The following SPOP variants were observed in gnomAD, a reference collection of about 807,000 sequenced individuals.
The protein encoded by SPOP is speckle-type POZ protein.
A neutral mutation model predicts 45.6 loss-of-function variants in SPOP; 11 were observed. The ratio of observed to expected loss-of-function variants is 0.24; its 90% CI spans 0.15 to 0.40. The LOEUF (loss-of-function observed/expected upper bound fraction) is 0.40. SPOP is among the 10% of genes least tolerant of loss of function. SPOP has a pLI of 1.00. For synonymous variants in SPOP, 166 were observed against 166.3 expected (o/e 1.00, Z 0.01); for missense variants, 152 against 465.6 (o/e 0.33, Z 6.20).
rs36210011 is a variant in SPOP, at chr17:49,666,448, G to GACACACAC, written c.-67+11477_-67+11484dup. 1.1e-4 allele frequency among the ~76,000 whole-genome samples: 15 copies of GACACACAC among 142,120 alleles called. 1 individual carries two copies. The highest frequency in any genetic ancestry group is 6.2e-4 in the East Asian group (3 of 4,832). 93.2% of individuals were successfully genotyped at this position (142,120 alleles called of 152,430 possible). ...AGGGGAGGATTCCTTCATGAAGACA[G>GACACACAC]ACACACACACACACACACACACACA... On this transcript the variant is annotated intron_variant, in intron 1 of 9. Coordinates refer to ENST00000504102, the MANE Select transcript of SPOP (RefSeq NM_001007228.2).
At chr17:49,608,438 T>A (rs2071896122) in intron 6 of SPOP, among the ~76,000 whole-genome samples, 1 of 152,182 alleles carries the variant, frequency 6.6e-6, no homozygotes, top group Non-Finnish European at 1.5e-5. Context: ...AAGCTATGCA[T>A]TCCTAACAGA....
At chr17:49,664,988 T>C (rs2073034419) in intron 1 of SPOP, among the ~76,000 whole-genome samples, 1 of 152,168 alleles carries the variant, frequency 6.6e-6, no homozygotes, top group Admixed American at 6.5e-5. Context: ...GCATGTGGCA[T>C]CAGAAACTCT....
intron 1 of SPOP, among the ~76,000 whole-genome samples, chr17:49,627,282 T>C (rs942444242): frequency 7.2e-5 from 11 of 152,230 alleles, no homozygotes; most frequent in Admixed American, 3.3e-4. Flanking sequence ...GATTCCATGA[T>C]AACATGAAGA....
chr17:49,667,328 G>T (rs1006184105), intron 1 of SPOP, among the ~76,000 whole-genome samples: 1 of 148,378 alleles, frequency 6.7e-6, no homozygotes, highest in Non-Finnish European at 1.5e-5. Context: ...GGTGGCTCAC[G>T]CCTATAATCT....
At chr17:49,626,492 C>G (rs905989359) in intron 1 of SPOP, among the ~76,000 whole-genome samples, 7 of 151,978 alleles carry the variant, frequency 4.6e-5, no homozygotes, top group Non-Finnish European at 1.0e-4. Context: ...GTCAGGAGTT[C>G]GAGATCAGCC....
intron 1 of SPOP, among the ~76,000 whole-genome samples, chr17:49,634,533 T>C (rs1383826275): frequency 6.6e-6 from 1 of 152,230 alleles, no homozygotes; most frequent in Non-Finnish European, 1.5e-5. Context: ...CCCTCAATGA[T>C]GACTATGAAG....
At chr17:49,604,577 T>C (rs2071800798) in intron 8 of SPOP, among the ~76,000 whole-genome samples, 2 of 152,210 alleles carry the variant, frequency 1.3e-5, no homozygotes, top group Admixed American at 6.5e-5. Context: ...CCAATGGGTA[T>C]TGCAGCATCA....
At chr17:49,601,274 C>T (rs868819914) in intron 9 of SPOP, 2 of 152,432 alleles carry the variant, frequency 1.3e-5, no homozygotes, top group Non-Finnish European at 2.9e-5. Context: ...GGGAGTAGAA[C>T]ATGTCCCACT....
At chr17:49,676,532 G>T (rs1567810139) in intron 1 of SPOP, among the ~76,000 whole-genome samples, 1 of 152,158 alleles carries the variant, frequency 6.6e-6, no homozygotes, top group Non-Finnish European at 1.5e-5. Context: ...GAACATCAAA[G>T]AATACAAACT....
At chr17:49,669,949 T>A (rs920895317) in intron 1 of SPOP, among the ~76,000 whole-genome samples, 1 of 152,050 alleles carries the variant, frequency 6.6e-6, no homozygotes, top group Non-Finnish European at 1.5e-5. Context: ...TAAATAGATA[T>A]ATAGATGGGG....
rs911461049 is a variant in SPOP at position 49,619,421 on chromosome 17, G to A, written c.201-36C>T. The A allele has an allele frequency of 1.9e-6, 3 of 1,579,914 alleles. No individual in the cohort carries two copies. The African/African-American group carries it at 4.1e-5, about 22-fold the overall frequency. On this transcript the variant is annotated intron_variant, in intron 3 of 9. Coordinates refer to ENST00000504102, the MANE Select transcript of SPOP (RefSeq NM_001007228.2). The surrounding 1 kb of genome is among the most constrained non-coding windows in gnomAD (Gnocchi z 4.9). ...CAGATAGAAAAAAAAAATGTCAAAA[G>A]CATCCATTTTGATAGAACTGGAAAT...
At chr17:49,638,976 A>G (rs1442957403) in intron 1 of SPOP, among the ~76,000 whole-genome samples, 1 of 152,176 alleles carries the variant, frequency 6.6e-6, no homozygotes, top group African/African-American at 2.4e-5. Flanking sequence ...CTGAGCCAAC[A>G]ATCCCACGTA....
intron 1 of SPOP, among the ~76,000 whole-genome samples, chr17:49,627,494 A>G (rs80124628): frequency 0.011 from 1,659 of 152,320 alleles, 39 homozygotes; most frequent in East Asian, 0.094. Flanking sequence ...GTTTGATTTT[A>G]TGCATTAGTT....
At position 49,618,977 on chromosome 17, in the gene SPOP, T is replaced by G; in HGVS notation, c.480+4A>C. The G allele has an allele frequency of 1.2e-6, 2 of 1,612,240 alleles. No individual in the cohort carries two copies. The highest frequency in any genetic ancestry group is 1.7e-6 in the Non-Finnish European group (2 of 1,179,304). On this transcript the variant is annotated splice_donor_region_variant and intron_variant, in intron 5 of 9. Coordinates refer to ENST00000504102, the MANE Select transcript of SPOP (RefSeq NM_001007228.2). Reference sequence around the variant, plus strand: ...GCTAGTCTCAGCAGAATACAAGGACTCACCTCGCAGAAGAGGGTAAGCTTG... The same window carrying G: ...GCTAGTCTCAGCAGAATACAAGGACGCACCTCGCAGAAGAGGGTAAGCTTG...
intron 1 of SPOP, among the ~76,000 whole-genome samples, chr17:49,634,016 TAA>T (rs1189334651): frequency 7.5e-6 from 1 of 132,936 alleles, no homozygotes; most frequent in Non-Finnish European, 1.6e-5. Flanking sequence ...TCCAGCTGCT[TAA>T]AAAAAAAAAA....
chr17:49,657,531 TG>T (rs1226117239), intron 1 of SPOP, among the ~76,000 whole-genome samples: 1 of 151,254 alleles, frequency 6.6e-6, no homozygotes, highest in Non-Finnish European at 1.5e-5. Context: ...CTCGAGTAGC[TG>T]GGATTACATG....
chr17:49,621,672 T>C (rs148442868), intron 3 of SPOP, among the ~76,000 whole-genome samples: 320 of 152,330 alleles, frequency 2.1e-3, no homozygotes, highest in Middle Eastern at 3.4e-3. Context: ...ATTCCATTTA[T>C]GGATATCATT....
intron 1 of SPOP, among the ~76,000 whole-genome samples, chr17:49,674,603 AC>A (rs1167132229): frequency 6.6e-6 from 1 of 152,220 alleles, no homozygotes; most frequent in Non-Finnish European, 1.5e-5. Context: ...AGTATTCTGT[AC>A]CAAGAGAGCA....
intron 1 of SPOP, among the ~76,000 whole-genome samples, chr17:49,667,170 C>T (rs917557983): frequency 2.5e-5 from 3 of 122,258 alleles, no homozygotes; most frequent in Non-Finnish European, 3.3e-5. Context: ...AAGAATGAAA[C>T]GCTGTCTTAA....
Sources: gnomAD v4.1 joint callset for allele counts (sites outside exome capture counted in the v4.1 genomes callset) on GRCh38, gnomAD v4.1.1 for gene constraint, Gnocchi (gnomAD v3.1) non-coding constraint, MANE v1.5 for transcripts, NCBI Gene and HGNC (gene_info 2026-07-23, HGNC 2026-07-21) for gene names.